ZDHHC14: variants seen among roughly 807,000 people sequenced by gnomAD.
The protein encoded by ZDHHC14 is zDHHC palmitoyltransferase 14.
A neutral mutation model predicts 47.7 loss-of-function variants in ZDHHC14; 16 were observed. The ratio of observed to expected loss-of-function variants is 0.34; its 90% CI spans 0.23 to 0.51. The LOEUF is 0.51. ZDHHC14 is among the 20% of genes least tolerant of loss of function. ZDHHC14 has a pLI of 0.97. For missense variants in ZDHHC14, 515 were observed against 662.5 expected (o/e 0.78, Z 2.44); for synonymous variants, 293 against 278.9 (o/e 1.05, Z -0.50).
chr6:157,588,063 T>C (rs529903346), intron 2 of ZDHHC14, among the ~76,000 whole-genome samples: 43 of 152,234 alleles, frequency 2.8e-4, no homozygotes, highest in Admixed American at 1.8e-3. Flanking sequence ...GAGACCAGCC[T>C]GGCCAACATA....
chr6:157,550,612 C>T (rs1435368641), intron 2 of ZDHHC14, among the ~76,000 whole-genome samples: 1 of 151,198 alleles, frequency 6.6e-6, no homozygotes, highest in East Asian at 1.9e-4. Flanking sequence ...TGGTGTCACA[C>T]AGACACTCTA....
At chr6:157,572,598 C>T (rs1783142563) in intron 2 of ZDHHC14, among the ~76,000 whole-genome samples, 1 of 150,466 alleles carries the variant, frequency 6.6e-6, no homozygotes, top group African/African-American at 2.4e-5. Flanking sequence ...CACCCATTAA[C>T]TCATCATTTA....
intron 1 of ZDHHC14, among the ~76,000 whole-genome samples, chr6:157,428,160 G>A (rs964868143): frequency 1.3e-5 from 2 of 152,118 alleles, no homozygotes; most frequent in Non-Finnish European, 2.9e-5. Context: ...GTGCTGACAC[G>A]ACCTAAGCCC....
chr6:157,576,041 T>C (rs912392767), intron 2 of ZDHHC14, among the ~76,000 whole-genome samples: 3 of 152,190 alleles, frequency 2.0e-5, no homozygotes, highest in African/African-American at 4.8e-5. Context: ...CCTCCTGTGA[T>C]GGGTAGGGGA....
intron 1 of ZDHHC14, among the ~76,000 whole-genome samples, chr6:157,476,437 C>G (rs1331370469): frequency 6.6e-6 from 1 of 151,988 alleles, no homozygotes; most frequent in Non-Finnish European, 1.5e-5. Context: ...AAAGAAAAGC[C>G]CGGAACTTGA....
chr6:157,632,107 T>G (rs2114959132), intron 4 of ZDHHC14: 1 of 152,452 alleles, frequency 6.6e-6, no homozygotes, highest in Admixed American at 6.5e-5. Context: ...AGGGACACCA[T>G]AGCACCCGTA....
chr6:157,524,815 A>C (rs1328264941), intron 1 of ZDHHC14, among the ~76,000 whole-genome samples: 1 of 152,252 alleles, frequency 6.6e-6, no homozygotes, highest in South Asian at 2.1e-4. Flanking sequence ...TCTATTCACT[A>C]TCAGAAGAAT....
At chr6:157,410,898 T>C (rs1330735211) in intron 1 of ZDHHC14, among the ~76,000 whole-genome samples, 2 of 152,174 alleles carry the variant, frequency 1.3e-5, no homozygotes, top group Non-Finnish European at 2.9e-5. Context: ...GGTTTCACCA[T>C]GTTGGCCAGG....
chr6:157,597,089 C>T (rs1022962368), intron 3 of ZDHHC14, among the ~76,000 whole-genome samples: 4 of 152,192 alleles, frequency 2.6e-5, no homozygotes, highest in Admixed American at 2.6e-4. Flanking sequence ...CATCGCGTTC[C>T]TTCTGCACAC....
chr6:157,672,494 G>A (rs80231736), intron 8 of ZDHHC14, among the ~76,000 whole-genome samples: 3,123 of 152,172 alleles, frequency 0.021, 71 homozygotes, highest in East Asian at 0.1. Flanking sequence ...CTGGGCACCC[G>A]TGGTGACTTC....
At chr6:157,470,262 A>T (rs1346293804) in intron 1 of ZDHHC14, among the ~76,000 whole-genome samples, 1 of 152,256 alleles carries the variant, frequency 6.6e-6, no homozygotes, top group African/African-American at 2.4e-5. Context: ...AGAAGGAACC[A>T]AAATTAAATG....
intron 1 of ZDHHC14, among the ~76,000 whole-genome samples, chr6:157,524,895 T>G (rs1039481921): frequency 6.6e-5 from 10 of 152,252 alleles, no homozygotes; most frequent in Admixed American, 2.6e-4. Flanking sequence ...GTTAGTGAGC[T>G]ATTGCTGTGT....
intron 1 of ZDHHC14, among the ~76,000 whole-genome samples, chr6:157,452,886 G>T (rs946832244): frequency 1.5e-4 from 22 of 151,702 alleles, no homozygotes; most frequent in Non-Finnish European, 3.2e-4. Context: ...TGTATTTTTA[G>T]TAGAGACAGG....
chr6:157,511,042 C>A (rs1351224892), intron 1 of ZDHHC14, among the ~76,000 whole-genome samples: 2 of 152,220 alleles, frequency 1.3e-5, no homozygotes, highest in Admixed American at 1.3e-4. Flanking sequence ...CCTCGCCGAC[C>A]GCAGCCTCCG....
chr6:157,397,322 A>C (rs1311939192), intron 1 of ZDHHC14, among the ~76,000 whole-genome samples: 1 of 152,244 alleles, frequency 6.6e-6, no homozygotes, highest in Non-Finnish European at 1.5e-5. Context: ...CAGATTGATT[A>C]TCTTACAGTC....
chr6:157,611,246 C>T (rs1014003893), intron 3 of ZDHHC14, among the ~76,000 whole-genome samples: 4 of 152,182 alleles, frequency 2.6e-5, no homozygotes, highest in Non-Finnish European at 5.9e-5. Flanking sequence ...GTGATCTGCC[C>T]ACCTCGGCCT....
chr6:157,559,769 C>A (rs17165429), intron 2 of ZDHHC14, among the ~76,000 whole-genome samples: 1 of 152,040 alleles, frequency 6.6e-6, no homozygotes, highest in Admixed American at 6.5e-5. Flanking sequence ...AGCTCTGAAA[C>A]GTCTGGATTT....
intron 1 of ZDHHC14, among the ~76,000 whole-genome samples, chr6:157,526,858 T>G (rs776574879): frequency 6.6e-6 from 1 of 152,120 alleles, no homozygotes; most frequent in Non-Finnish European, 1.5e-5. Flanking sequence ...ACCAGGGACC[T>G]GGGTAGATGT....
At chr6:157,479,151 G>C (rs1277982533) in intron 1 of ZDHHC14, among the ~76,000 whole-genome samples, 2 of 152,200 alleles carry the variant, frequency 1.3e-5, no homozygotes, top group East Asian at 3.8e-4. Context: ...TCCCACCTCA[G>C]CCACTAACCA....
Sources: allele counts gnomAD v4.1 joint callset (sites outside exome capture counted in the v4.1 genomes callset), GRCh38; gene constraint gnomAD v4.1.1; transcripts MANE v1.5; gene names NCBI Gene and HGNC (gene_info 2026-07-23, HGNC 2026-07-21).